The following NUCB2 variants were observed in gnomAD, a reference collection of about 807,000 sequenced individuals.
NUCB2 encodes the protein nucleobindin-2.
NUCB2 carries 48 observed loss-of-function variants against 57.9 expected under a neutral mutation model. The ratio of observed to expected loss-of-function variants is 0.83; its 90% CI spans 0.66 to 1.05. The LOEUF (loss-of-function observed/expected upper bound fraction) is 1.05. Among genes scored for constraint, NUCB2 ranks in the 50% least tolerant of loss-of-function variants. The pLI is 0.00. For synonymous variants in NUCB2, 139 were observed against 152.1 expected (o/e 0.91, Z 0.64); for missense variants, 442 against 476.2 (o/e 0.93, Z 0.67).
At chr11:17,342,003 T>G (rs934567461) in intron 2 of NUCB2, among the ~76,000 whole-genome samples, 2 of 152,198 alleles carry the variant, frequency 1.3e-5, no homozygotes, top group African/African-American at 4.8e-5. Flanking sequence ...AGCCTGTTAT[T>G]GGTCTATTCA....
chr11:17,298,498 T>G, intron 4 of NUCB2, among the ~76,000 whole-genome samples: 1 of 151,198 alleles, frequency 6.6e-6, no homozygotes, highest in African/African-American at 2.4e-5. Context: ...AGCCCAGGAG[T>G]TTGAGGTTGC....
intron 11 of NUCB2, among the ~76,000 whole-genome samples, chr11:17,326,394 C>T (rs1333270888): frequency 4.7e-5 from 7 of 150,030 alleles, no homozygotes; most frequent in South Asian, 2.1e-4. Context: ...CTCAGCTCAC[C>T]GCAACCTCTG....
At chr11:17,297,407 G>A (rs965875675) in intron 4 of NUCB2, among the ~76,000 whole-genome samples, 13 of 152,106 alleles carry the variant, frequency 8.5e-5, no homozygotes, top group Non-Finnish European at 1.6e-4. Flanking sequence ...CATTTAGTTC[G>A]CAGCTCTCCT....
chr11:17,333,317 G>C (rs1355014831), downstream of NUCB2: 1 of 152,116 alleles, frequency 6.6e-6, no homozygotes, highest in Non-Finnish European at 1.5e-5. Context: ...AGCCTTAGCA[G>C]TTTACTTCCT....
Position 17,328,910 on chromosome 11 carries a change from C to A in NUCB2, c.1003-1217C>A, listed in dbSNP as rs74654147. ...CACTACAGCTGGGAATGTGCTGGGT[C>A]ACCCCGAAGCCAGCATGTCTCAGTC... is the stretch of plus-strand genomic sequence containing the variant. On this transcript the variant is annotated intron_variant, in intron 11 of 13. Coordinates refer to ENST00000529010, the MANE Select transcript of NUCB2 (RefSeq NM_005013.4). 8.8e-3 allele frequency among the ~76,000 whole-genome samples: 1,343 copies of A among 152,270 alleles called. 18 individuals are homozygous for A. Among genetic ancestry groups the A allele is most frequent in the African/African-American group, 0.024 (1,018 of 41,552 alleles).
chr11:17,304,975 A>G (rs1221446840), intron 5 of NUCB2, among the ~76,000 whole-genome samples: 2 of 152,250 alleles, frequency 1.3e-5, no homozygotes, highest in Non-Finnish European at 2.9e-5. Context: ...ATAAAAATAT[A>G]TACTTTTATT....
In NUCB2 at chr11:17,340,577, G is replaced by A. The variant is rs568056906; in HGVS notation, n.2626+3043G>A. On this transcript the variant is annotated intron_variant and non_coding_transcript_variant, in intron 2 of 2. Transcript: ENST00000532240. ...TCAGCTTTCTACATATGGCTAGCCA[G>A]TTTTCCCAGCACCATTTATTAAATA... Among the ~76,000 whole-genome samples, 324 of 152,206 alleles carry A rather than the reference G, an allele frequency of 2.1e-3. 1 individual carries two copies. Among genetic ancestry groups the A allele is most frequent in the African/African-American group, 7.4e-3 (308 of 41,532 alleles).
chr11:17,336,732 C>T (rs1242687574), downstream of NUCB2, among the ~76,000 whole-genome samples: 3 of 106,100 alleles, frequency 2.8e-5, no homozygotes, highest in African/African-American at 1.1e-4. Flanking sequence ...CCAGCCTGGG[C>T]GACAGAGCGA....
intron 5 of NUCB2, among the ~76,000 whole-genome samples, chr11:17,303,137 T>C (rs1201117290): frequency 6.6e-6 from 1 of 152,118 alleles, no homozygotes; most frequent in Non-Finnish European, 1.5e-5. Flanking sequence ...GTTGCTAGGA[T>C]TACATATGCA....
downstream of NUCB2, among the ~76,000 whole-genome samples, chr11:17,334,836 A>G (rs1014858163): frequency 1.3e-5 from 2 of 151,836 alleles, no homozygotes; most frequent in East Asian, 3.9e-4. Context: ...CAGTGAGCTG[A>G]AATCATGCCA....
intron 2 of NUCB2, among the ~76,000 whole-genome samples, chr11:17,345,714 A>T (rs906393896): frequency 6.6e-6 from 1 of 152,222 alleles, no homozygotes; most frequent in African/African-American, 2.4e-5. Flanking sequence ...CTCAAAAAAA[A>T]GAAAAGTAAC....
chr11:17,339,600 G>A (rs978173040), intron 2 of NUCB2, among the ~76,000 whole-genome samples: 12 of 149,826 alleles, frequency 8.0e-5, no homozygotes, highest in Non-Finnish European at 1.5e-4. Context: ...AGAACATGTG[G>A]TGTTTGGTTT....
At chr11:17,314,567 A>G (rs1230374003) in intron 10 of NUCB2, among the ~76,000 whole-genome samples, 1 of 151,950 alleles carries the variant, frequency 6.6e-6, no homozygotes, top group Non-Finnish European at 1.5e-5. Flanking sequence ...AGATCATCAC[A>G]AGGTTTTACT....
At chr11:17,307,592 T>A (rs1212854130) in intron 5 of NUCB2, among the ~76,000 whole-genome samples, 1 of 152,214 alleles carries the variant, frequency 6.6e-6, no homozygotes, top group Non-Finnish European at 1.5e-5. Context: ...CTTTCTGTAT[T>A]AGTACATAGA....
chr11:17,288,914 C>CA (rs1944358890), intron 2 of NUCB2, among the ~76,000 whole-genome samples: 2 of 81,830 alleles, frequency 2.4e-5, no homozygotes, highest in African/African-American at 1.4e-4. Flanking sequence ...CACACACACA[C>CA]ACACACACAC....
rs893767641 is a variant in NUCB2, at chr11:17,347,043, G to A, written n.2627-2302G>A. Among the ~76,000 whole-genome samples, 137 of 152,342 alleles carry A rather than the reference G, an allele frequency of 9.0e-4. 1 individual carries two copies. The highest frequency in any genetic ancestry group is 1.1e-3 in the Non-Finnish European group (78 of 68,024). ...TGACACAGCCTCAGAAAGTCCTGAC[G>A]ACATGTGCCCAAGGTGGTCGGGGCA... is the stretch of plus-strand genomic sequence containing the variant. On this transcript the variant is annotated intron_variant and non_coding_transcript_variant, in intron 2 of 2. Transcript: ENST00000532240.
At chr11:17,281,207 C>T (rs1216458099) in intron 1 of NUCB2, among the ~76,000 whole-genome samples, 2 of 151,960 alleles carry the variant, frequency 1.3e-5, no homozygotes, top group Non-Finnish European at 2.9e-5. Flanking sequence ...GGCTCGACCT[C>T]CTGGGCTCAA....
rs188069703 is a variant in NUCB2, at chr11:17,295,253, A to G, written c.1-71A>G. 1,636 of 1,300,112 alleles carry G rather than the reference A, an allele frequency of 1.3e-3. 3 individuals carry two copies. The highest frequency in any genetic ancestry group is 2.0e-3 in the Admixed American group (74 of 37,302). The allele number at this position is 1,300,112 out of a possible 1,614,324, so 80.5% of individuals were successfully genotyped here. ...TGAGATTAAATATATGATTAATGTG[A>G]CATTCGGAATGCATGTATATAGAGT... On this transcript the variant is annotated intron_variant, in intron 2 of 13. Transcript: ENST00000529010.
At chr11:17,311,166 G>A in intron 7 of NUCB2, 27 bp from the exon 8 acceptor site, 1 of 1,554,108 alleles carries the variant, frequency 6.4e-7, no homozygotes, top group Non-Finnish European at 8.7e-7. Context: ...ATTTTGTTTT[G>A]AGCAATTTTT....
Sources: gnomAD v4.1 joint callset for allele counts (sites outside exome capture counted in the v4.1 genomes callset) on GRCh38, gnomAD v4.1.1 for gene constraint, MANE v1.5 for transcripts, NCBI Gene and HGNC (gene_info 2026-07-23, HGNC 2026-07-21) for gene names.